CSNK1G1: variants seen among roughly 807,000 people sequenced by gnomAD.
The protein encoded by CSNK1G1 is casein kinase 1 gamma 1.
Under a neutral mutation model 59.6 loss-of-function variants are expected in CSNK1G1, and 22 were observed. The observed-to-expected ratio is 0.37, with a 90% confidence interval of 0.26 to 0.53. CSNK1G1 has a LOEUF of 0.53. Among genes scored for constraint, CSNK1G1 ranks in the 20% least tolerant of loss-of-function variants. CSNK1G1 has a pLI of 0.89. For synonymous variants in CSNK1G1, 179 were observed against 177.1 expected, an observed-to-expected ratio of 1.01 and a Z score of -0.08; for missense variants, 384 against 519.5, an observed-to-expected ratio of 0.74 and a Z score of 2.54.
chr15:64,194,033 T>A (rs562188353), intron 10 of CSNK1G1: 1 of 152,516 alleles, frequency 6.6e-6, no homozygotes, highest in South Asian at 2.1e-4. Context: ...CGCTAAGGAA[T>A]CTATTTTCAG....
intron 1 of CSNK1G1, among the ~76,000 whole-genome samples, chr15:64,352,997 G>A (rs985260769): frequency 6.6e-5 from 10 of 152,090 alleles, no homozygotes; most frequent in South Asian, 2.1e-4. Flanking sequence ...GCTGAGGTGC[G>A]AGAACTGCTT....
intron 3 of CSNK1G1, among the ~76,000 whole-genome samples, chr15:64,252,397 A>G (rs897478780): frequency 4.6e-5 from 7 of 151,968 alleles, no homozygotes; most frequent in Admixed American, 2.6e-4. Context: ...TTTTGTAGAG[A>G]TAGGATCTTA....
At chr15:64,284,665 C>T (rs192286172) in intron 2 of CSNK1G1, among the ~76,000 whole-genome samples, 12 of 151,942 alleles carry the variant, frequency 7.9e-5, no homozygotes, top group Non-Finnish European at 1.5e-4. Context: ...CATGATCTAT[C>T]CCCAGAAACA....
At position 64,176,416 on chromosome 15, in the gene CSNK1G1, T is replaced by C. The variant is rs986407263; in HGVS notation, c.1214+3932A>G. Reference sequence around the variant, plus strand: ...ATGCAGTATGTGTCTGTGTTTAGTTTCTTCTTCTGTCAAGGTAGGCTGAGT... The same window carrying C: ...ATGCAGTATGTGTCTGTGTTTAGTTCCTTCTTCTGTCAAGGTAGGCTGAGT... On this transcript the variant is annotated intron_variant, in intron 11 of 11. Coordinates refer to ENST00000303052, the MANE Select transcript of CSNK1G1 (RefSeq NM_022048.5). This position sits in a 1 kb window ranked among gnomAD's most constrained non-coding sequence, Gnocchi z 5.2. 4 of 396,386 alleles carry C rather than the reference T, an allele frequency of 1.0e-5. No homozygotes were observed. The Admixed American group carries it at 1.8e-4, about 17-fold the overall frequency. The allele number at this position is 396,386 out of a possible 1,614,324, so 24.6% of individuals were successfully genotyped here. A position where few individuals can be genotyped will look rare whatever the true frequency, so the allele number is the denominator to read the frequency against.
intron 10 of CSNK1G1, among the ~76,000 whole-genome samples, chr15:64,187,670 G>C (rs1357684778): frequency 6.6e-6 from 1 of 152,162 alleles, no homozygotes; most frequent in African/African-American, 2.4e-5. Flanking sequence ...ACCTTTATAA[G>C]AATTTATGTT....
At chr15:64,202,953 G>T (rs953000664) in intron 10 of CSNK1G1, 129 bp downstream of exon 10, 1 of 732,406 alleles carries the variant, frequency 1.4e-6, no homozygotes, top group African/African-American at 1.7e-5. Flanking sequence ...TACCACACCT[G>T]TAAGAAATGG....
At position 64,343,125 on chromosome 15, in the gene CSNK1G1, T is replaced by C. The variant is rs1897761084; in HGVS notation, c.-225+12863A>G. Among the ~76,000 whole-genome samples, 3 of 151,178 alleles carry C rather than the reference T, an allele frequency of 2.0e-5. No homozygotes were observed. In the South Asian group the frequency reaches 6.2e-4, roughly 31 times the overall value. ...TATTCGGGAGGCCAAGGCAGGAGAATCGCTTGAACCCAGGAGGCAGAGGTT... is the reference window on the plus strand; with the variant it reads ...TATTCGGGAGGCCAAGGCAGGAGAACCGCTTGAACCCAGGAGGCAGAGGTT... On this transcript the variant is annotated intron_variant, in intron 1 of 11. Transcript: ENST00000303052.
intron 1 of CSNK1G1, among the ~76,000 whole-genome samples, chr15:64,321,554 G>A (rs577370562): frequency 3.3e-5 from 5 of 152,198 alleles, no homozygotes; most frequent in East Asian, 3.9e-4. Context: ...ACCAGCCATC[G>A]CACCCAGCCT....
At chr15:64,172,093 C>T in intron 11 of CSNK1G1, 108 bp from the exon 12 acceptor site, 1 of 919,010 alleles carries the variant, frequency 1.1e-6, no homozygotes, top group Non-Finnish European at 1.8e-6. Context: ...CTAGCACCCA[C>T]CCATAGGGAC....
Position 64,300,717 on chromosome 15 carries a change from T to A in CSNK1G1, c.-218A>T. ...TAGGTCTCAATCTTAGGTGAACATCTTGTAACCTAGGTAAAAATCAAGAAA... is the reference window on the plus strand; with the variant it reads ...TAGGTCTCAATCTTAGGTGAACATCATGTAACCTAGGTAAAAATCAAGAAA... On this transcript the variant is annotated 5_prime_UTR_variant, in exon 2 of 12. The change creates a new upstream start codon in the 5' untranslated region. Coordinates refer to ENST00000303052, the MANE Select transcript of CSNK1G1 (RefSeq NM_022048.5). 1 of 1,239,804 alleles carries A rather than the reference T, an allele frequency of 8.1e-7. No individual in the cohort carries two copies. Among genetic ancestry groups the A allele is most frequent in the Non-Finnish European group, 1.0e-6 (1 of 991,566 alleles). The allele number at this position is 1,239,804 out of a possible 1,614,324, so 76.8% of individuals were successfully genotyped here.
At chr15:64,284,574 T>G (rs1188628968) in intron 2 of CSNK1G1, among the ~76,000 whole-genome samples, 2 of 152,070 alleles carry the variant, frequency 1.3e-5, no homozygotes, top group Non-Finnish European at 2.9e-5. Flanking sequence ...TTGATGCTAA[T>G]GTAAGTGAAA....
chr15:64,329,973 AG>A (rs1168220026), intron 1 of CSNK1G1, among the ~76,000 whole-genome samples: 6 of 151,660 alleles, frequency 4.0e-5, no homozygotes, highest in Non-Finnish European at 7.4e-5. Context: ...AGACTAGACC[AG>A]GAAGAAGTTG....
At chr15:64,173,188 T>TC (rs1411610031) in intron 11 of CSNK1G1, among the ~76,000 whole-genome samples, 1 of 152,224 alleles carries the variant, frequency 6.6e-6, no homozygotes, top group East Asian at 1.9e-4. Context: ...ATTACTTACT[T>TC]CCCATACCCC....
chr15:64,208,649 T>C (rs2082213040), intron 6 of CSNK1G1, among the ~76,000 whole-genome samples: 1 of 152,172 alleles, frequency 6.6e-6, no homozygotes, highest in African/African-American at 2.4e-5. Flanking sequence ...CCCTTCTGCC[T>C]CAGCTGAGTA....
chr15:64,300,985 T>G (rs924803041), intron 1 of CSNK1G1, among the ~76,000 whole-genome samples: 7 of 152,198 alleles, frequency 4.6e-5, no homozygotes, highest in Non-Finnish European at 8.8e-5. Flanking sequence ...TAGTAATGTA[T>G]CTATGACCAA....
At chr15:64,249,406 G>A (rs1891948411) in intron 4 of CSNK1G1, among the ~76,000 whole-genome samples, 1 of 152,208 alleles carries the variant, frequency 6.6e-6, no homozygotes, top group Admixed American at 6.5e-5. Flanking sequence ...GTATTAAGAT[G>A]ATGCCCACCG....
intron 2 of CSNK1G1, among the ~76,000 whole-genome samples, chr15:64,289,489 T>C (rs1344329877): frequency 1.3e-5 from 2 of 152,176 alleles, no homozygotes; most frequent in Non-Finnish European, 2.9e-5. Context: ...AAAAGAAATT[T>C]AAACTACGAT....
chr15:64,304,959 TGTTTCTTGGTCACAA>T (rs1596250725), intron 1 of CSNK1G1, among the ~76,000 whole-genome samples: 1 of 152,252 alleles, frequency 6.6e-6, no homozygotes, highest in East Asian at 1.9e-4. Context: ...TCATGCTTGC[TGTTTCTTGGTCACAA>T]GTTTCGGCTT....
intron 4 of CSNK1G1, among the ~76,000 whole-genome samples, chr15:64,245,990 T>G (rs538895303): frequency 1.3e-5 from 2 of 152,196 alleles, no homozygotes; most frequent in African/African-American, 4.8e-5. Context: ...GGTACAAACA[T>G]ACAGTTAGAA....
Sources: gnomAD v4.1 joint callset for allele counts (sites outside exome capture counted in the v4.1 genomes callset) on GRCh38, gnomAD v4.1.1 for gene constraint, Gnocchi (gnomAD v3.1) non-coding constraint, MANE v1.5 for transcripts, NCBI Gene and HGNC (gene_info 2026-07-23, HGNC 2026-07-21) for gene names.